The following RANBP2 variants were observed in gnomAD, a reference collection of about 807,000 sequenced individuals.
The protein encoded by RANBP2 is E3 SUMO-protein ligase RanBP2.
Under a neutral mutation model 303.6 loss-of-function variants are expected in RANBP2, and 57 were observed. The observed-to-expected ratio is 0.19, with a 90% confidence interval of 0.15 to 0.23. RANBP2 has a LOEUF of 0.23. Ranked by LOEUF, RANBP2 falls within the 10% of genes least tolerant of loss-of-function variation. RANBP2 has a pLI of 1.00. For missense variants in RANBP2, 3,138 were observed against 3,780.8 expected, an observed-to-expected ratio of 0.83 and a Z score of 4.46; for synonymous variants, 1,167 against 1,301.5, an observed-to-expected ratio of 0.90 and a Z score of 2.23.
the RANBP2 span, chr2:109,543,629 CAGAT>C: frequency 6.6e-6 from 1 of 152,222 alleles, no homozygotes. Flanking sequence ...TAAATGTAAT[CAGAT>C]AGCCACGATA....
the RANBP2 span, among the ~76,000 whole-genome samples, chr2:109,267,753 CAG>C: frequency 1.4e-4 from 21 of 152,358 alleles, no homozygotes; most frequent in Admixed American, 1.4e-3. Flanking sequence ...AAGCATCAGA[CAG>C]AACACAGTTC....
the RANBP2 span, among the ~76,000 whole-genome samples, chr2:109,561,402 A>G: frequency 1.3e-5 from 2 of 152,182 alleles, no homozygotes; most frequent in South Asian, 4.1e-4. Flanking sequence ...TATCACAGCT[A>G]CAATGTACTG....
the RANBP2 span, among the ~76,000 whole-genome samples, chr2:109,512,586 A>G: frequency 1.3e-5 from 2 of 152,058 alleles, no homozygotes; most frequent in East Asian, 3.9e-4. Context: ...GTGTCTCTCT[A>G]TCTACACTCC....
At chr2:108,996,200 T>C in the RANBP2 span, among the ~76,000 whole-genome samples, 5 of 152,152 alleles carry the variant, frequency 3.3e-5, no homozygotes, top group Non-Finnish European at 7.4e-5. Context: ...ACAGTGGGGA[T>C]AGGTGCCAGG....
chr2:108,934,253 G>C, the RANBP2 span, among the ~76,000 whole-genome samples: 2 of 152,158 alleles, frequency 1.3e-5, no homozygotes, highest in Non-Finnish European at 2.9e-5. Context: ...TGGGGGAGGG[G>C]AGCACAGGGC....
At chr2:109,493,146 A>G in the RANBP2 span, among the ~76,000 whole-genome samples, 1 of 140,012 alleles carries the variant, frequency 7.1e-6, no homozygotes. Context: ...CACATACATC[A>G]TACAAAACAC....
the RANBP2 span, chr2:108,910,612 CTGTTG>C: frequency 7.0e-7 from 1 of 1,431,002 alleles, no homozygotes; most frequent in Non-Finnish European, 9.8e-7. Context: ...CCTGCTCTTC[CTGTTG>C]GGCAGAGCTG....
At chr2:109,216,508 C>T in the RANBP2 span, among the ~76,000 whole-genome samples, 18 of 152,204 alleles carry the variant, frequency 1.2e-4, no homozygotes, top group Non-Finnish European at 1.8e-4. Flanking sequence ...CCCACCTGGC[C>T]GCAAAGCTTA....
chr2:109,010,323 AC>A, the RANBP2 span, among the ~76,000 whole-genome samples: 3 of 63,548 alleles, frequency 4.7e-5, no homozygotes, highest in Admixed American at 1.6e-4. Context: ...CCCCACCCCC[AC>A]CCCCCCAGCC....
the RANBP2 span, among the ~76,000 whole-genome samples, chr2:108,981,541 C>T: frequency 3.9e-5 from 6 of 152,204 alleles, no homozygotes; most frequent in Admixed American, 6.5e-5. Context: ...GTCCAGGATC[C>T]GGGGCTAGCC....
At chr2:109,554,315 C>G in the RANBP2 span, among the ~76,000 whole-genome samples, 1 of 152,070 alleles carries the variant, frequency 6.6e-6, no homozygotes, top group Non-Finnish European at 1.5e-5. Flanking sequence ...ACTTTCACAC[C>G]GCATTGCTTA....
At chr2:109,204,357 T>A in the RANBP2 span, among the ~76,000 whole-genome samples, 1 of 152,336 alleles carries the variant, frequency 6.6e-6, no homozygotes, top group South Asian at 2.1e-4. Context: ...TTAGCAGGAA[T>A]CTCCTTATCT....
chr2:109,468,906 C>T, the RANBP2 span, among the ~76,000 whole-genome samples: 4 of 147,792 alleles, frequency 2.7e-5, no homozygotes, highest in Non-Finnish European at 5.9e-5. Context: ...CTCATGGTGA[C>T]GTTTTCAACC....
chr2:108,847,830 A>G, the RANBP2 span, among the ~76,000 whole-genome samples: 4 of 152,216 alleles, frequency 2.6e-5, no homozygotes, highest in South Asian at 2.1e-4. Flanking sequence ...TTGATGAAAA[A>G]GTAAAAAACC....
the RANBP2 span, among the ~76,000 whole-genome samples, chr2:108,915,562 C>T: frequency 2.0e-5 from 3 of 152,316 alleles, no homozygotes; most frequent in African/African-American, 7.2e-5. Flanking sequence ...TCTTTGCTTT[C>T]TTAATTTAGC....
chr2:108,786,130 A>G (rs907919709), downstream of RANBP2, among the ~76,000 whole-genome samples: 1 of 81,056 alleles, frequency 1.2e-5, no homozygotes, highest in African/African-American at 6.0e-5. Flanking sequence ...TTTTCTTTTC[A>G]AAAAAAAAAA....
At chr2:108,837,070 G>T in the RANBP2 span, among the ~76,000 whole-genome samples, 1 of 152,064 alleles carries the variant, frequency 6.6e-6, no homozygotes, top group Non-Finnish European at 1.5e-5. Context: ...AGTTTCACTG[G>T]CTGGTACTAT....
chr2:109,051,469 A>T, the RANBP2 span, among the ~76,000 whole-genome samples: 2 of 152,186 alleles, frequency 1.3e-5, no homozygotes, highest in Non-Finnish European at 2.9e-5. Context: ...CAAACCCCAT[A>T]CTCACATGCA....
At chr2:109,380,770 C>T in the RANBP2 span, among the ~76,000 whole-genome samples, 24 of 152,176 alleles carry the variant, frequency 1.6e-4, no homozygotes, top group African/African-American at 5.5e-4. Flanking sequence ...CCAGGCAATC[C>T]CTGCCCACCA....
Sources: allele counts gnomAD v4.1 joint callset (sites outside exome capture counted in the v4.1 genomes callset), GRCh38; gene constraint gnomAD v4.1.1; transcripts MANE v1.5; gene names NCBI Gene and HGNC (gene_info 2026-07-23, HGNC 2026-07-21).